The following STAR variants were observed in gnomAD, a reference collection of about 807,000 sequenced individuals.
STAR encodes steroidogenic acute regulatory protein.
Under a neutral mutation model 32.3 loss-of-function variants are expected in STAR, and 32 were observed. The observed-to-expected ratio is 0.99, with a 90% CI of 0.75 to 1.33. The LOEUF (loss-of-function observed/expected upper bound fraction) is 1.33. Among genes scored for constraint, STAR ranks in the 40% most tolerant of loss-of-function variants. The pLI is 0.00. For synonymous variants in STAR, 134 were observed against 140.5 expected (o/e 0.95, Z 0.33); for missense variants, 375 against 379.0 (o/e 0.99, Z 0.09).
chr8:38,146,255 G>C, intron 4 of STAR, 34 bp downstream of exon 4: 1 of 1,613,928 alleles, frequency 6.2e-7, no homozygotes, highest in African/African-American at 1.3e-5. Flanking sequence ...GGGCTCTCCT[G>C]GGCCCCTGCC....
intron 5 of STAR, 170 bp downstream of exon 5, chr8:38,145,793 A>T (rs925971125): frequency 1.3e-5 from 11 of 817,846 alleles, no homozygotes; most frequent in Non-Finnish European, 2.1e-5. Flanking sequence ...AGTAGGGCCT[A>T]TCTTGTCTTT....
Position 38,146,306 on chromosome 8 carries a change from TG to T in STAR, c.447del (p.Asn150MetfsTer36), listed in dbSNP as rs1802573273. On this transcript the variant is annotated frameshift_variant, in exon 4 of 7. Coordinates refer to ENST00000276449, the MANE Select transcript of STAR (RefSeq NM_000349.3). LOFTEE classifies it high-confidence loss of function. ...ERMEAMGEWNPNVKEIKVLQK... is the reference protein window; with the variant it reads ...ERMEAMGEWNXNVKEIKVLQK... ...TTGCTCACCTTGATCTCCTTGACAT[TG>T]GGGTTCCACTCCCCCATTGCTTCCA... 1 of 1,613,920 alleles carries T rather than the reference TG, an allele frequency of 6.2e-7. No homozygotes were observed. Among genetic ancestry groups the T allele is most frequent in the Admixed American group, 1.7e-5 (1 of 59,994 alleles).
Position 38,150,849 on chromosome 8 carries a change from T to A in STAR, c.-31A>T. 1 of 1,601,462 alleles carries A rather than the reference T, an allele frequency of 6.2e-7. No individual in the cohort carries two copies. Among genetic ancestry groups the A allele is most frequent in the Non-Finnish European group, 8.5e-7 (1 of 1,179,716 alleles). ...CCTGGCAAATGTGGCAGTGGTGGGG[T>A]CGCTGCCGCTGCTGCTGCCGCCGCT... On this transcript the variant is annotated 5_prime_UTR_variant, in exon 1 of 7. Coordinates refer to ENST00000276449, the MANE Select transcript of STAR (RefSeq NM_000349.3).
intron 3 of STAR, among the ~76,000 whole-genome samples, chr8:38,147,335 T>A (rs1802592108): frequency 6.6e-6 from 1 of 152,110 alleles, no homozygotes; most frequent in African/African-American, 2.4e-5. Context: ...GAAAAGACTC[T>A]TACTTGACTT....
At chr8:38,145,086 C>T (rs751393176) in intron 6 of STAR, 136 bp downstream of exon 6, 179 of 1,532,346 alleles carry the variant, frequency 1.2e-4, no homozygotes, top group Non-Finnish European at 1.5e-4. Flanking sequence ...GGCCATCACT[C>T]CAGACCCTTC....
chr8:38,144,544 G>T, intron 6 of STAR, 158 bp from the exon 7 acceptor site: 1 of 1,485,596 alleles, frequency 6.7e-7, no homozygotes. Context: ...GGACTGCATT[G>T]CTCCTCTGCT....
chr8:38,142,752 C>G lies in STAR; in HGVS notation c.*1521G>C, dbSNP rs1253216934. On this transcript the variant is annotated 3_prime_UTR_variant, in exon 7 of 7. Transcript: ENST00000276449. ...CATGTTAGTCAGGCTGGTCTCCTGC[C>G]CTCAGGTGATTGCCTGCCTTGGCCT... is the stretch of plus-strand genomic sequence containing the variant. Among the ~76,000 whole-genome samples, 1 of 151,908 alleles carries G rather than the reference C, an allele frequency of 6.6e-6. No homozygotes were observed.
chr8:38,145,586 C>A, intron 5 of STAR: 1 of 573,234 alleles, frequency 1.7e-6, no homozygotes. Context: ...AGGATTCAGG[C>A]TGGTGGCTGG....
At chr8:38,150,533 G>C (rs1802649342) in intron 1 of STAR, among the ~76,000 whole-genome samples, 1 of 152,196 alleles carries the variant, frequency 6.6e-6, no homozygotes, top group Non-Finnish European at 1.5e-5. Context: ...GAGAAAAAAA[G>C]ATTGGAGTCC....
chr8:38,149,159 G>C (rs762419769), intron 1 of STAR: 1 of 245,868 alleles, frequency 4.1e-6, no homozygotes, highest in Non-Finnish European at 8.1e-6. Context: ...CATGAGGTCT[G>C]TGTGCTTGCC....
chr8:38,148,620 C>A (rs1333731979), intron 2 of STAR, 21 bp downstream of exon 2: 1 of 1,608,850 alleles, frequency 6.2e-7, no homozygotes, highest in African/African-American at 1.3e-5. Context: ...GCACCAGGAG[C>A]CCAGAAGCCT....
intron 1 of STAR, among the ~76,000 whole-genome samples, chr8:38,149,676 A>G (rs1426491797): frequency 6.6e-6 from 1 of 152,196 alleles, no homozygotes; most frequent in Non-Finnish European, 1.5e-5. Context: ...AAAGTCAGGA[A>G]TAGTTCAAGA....
chr8:38,150,923 T>A lies in STAR; in HGVS notation c.-105A>T. 1 of 1,596,660 alleles carries A rather than the reference T, an allele frequency of 6.3e-7. No individual in the cohort carries two copies. Among genetic ancestry groups the A allele is most frequent in the Admixed American group, 1.7e-5 (1 of 59,488 alleles). The stretch of plus-strand genomic sequence containing the variant: ...TGGTTCTTCGTCCTTCCTGAGCCCC[T>A]CAAGCTTCGCCTCTGAGTCCCGCAG... On this transcript the variant is annotated 5_prime_UTR_variant, in exon 1 of 7. Coordinates refer to ENST00000276449, the MANE Select transcript of STAR (RefSeq NM_000349.3).
chr8:38,148,995 G>T (rs1435607781), intron 1 of STAR: 2 of 541,620 alleles, frequency 3.7e-6, no homozygotes, highest in Non-Finnish European at 6.7e-6. Context: ...CCTGCCTGGA[G>T]ATGGGCTATA....
chr8:38,148,039 T>A (rs1382192502), intron 3 of STAR, among the ~76,000 whole-genome samples, 161 bp downstream of exon 3: 1 of 152,228 alleles, frequency 6.6e-6, no homozygotes, highest in African/African-American at 2.4e-5. Flanking sequence ...GAGCATTATC[T>A]GAGGATATAT....
rs886062904 is a variant in STAR at position 38,143,925 on chromosome 8, G to A, written c.*348C>T. 1 of 351,728 alleles carries A rather than the reference G, an allele frequency of 2.8e-6. No individual in the cohort carries two copies. Among genetic ancestry groups the A allele is most frequent in the Non-Finnish European group, 5.6e-6 (1 of 178,960 alleles). 21.8% of individuals were successfully genotyped at this position (351,728 alleles called of 1,614,324 possible). A position where few individuals can be genotyped will look rare whatever the true frequency, so the allele number is the denominator to read the frequency against. ...AAAGCAAGACTTCTCAGGCCCTGTG[G>A]TTAGCATCCCCCACACCCATATCAG... On this transcript the variant is annotated 3_prime_UTR_variant, in exon 7 of 7. Transcript: ENST00000276449.
intron 3 of STAR, 46 bp from the exon 4 acceptor site, chr8:38,146,493 C>T (rs753791691): frequency 6.2e-7 from 1 of 1,601,700 alleles, no homozygotes; most frequent in Non-Finnish European, 8.5e-7. Flanking sequence ...CAAAAATATT[C>T]TTGGCCGGGC....
rs2130610434 is a variant in STAR at position 38,143,844 on chromosome 8, T to G, written c.*429A>C. 3.4e-6 allele frequency: 1 copy of G among 293,768 alleles called. No individual in the cohort carries two copies. Among genetic ancestry groups the G allele is most frequent in the East Asian group, 9.1e-5 (1 of 11,044 alleles). 18.2% of individuals were successfully genotyped at this position (293,768 alleles called of 1,614,324 possible). Reference sequence around the variant, plus strand: ...AGGAGCAGAGGGCTGCAGGAGACCCTCTGAGATTCTGCTTTGTGCACATGT... The same window carrying G: ...AGGAGCAGAGGGCTGCAGGAGACCCGCTGAGATTCTGCTTTGTGCACATGT... On this transcript the variant is annotated 3_prime_UTR_variant, in exon 7 of 7. Transcript: ENST00000276449.
At chr8:38,149,857 G>A (rs1802637741) in intron 1 of STAR, among the ~76,000 whole-genome samples, 1 of 152,146 alleles carries the variant, frequency 6.6e-6, no homozygotes, top group Non-Finnish European at 1.5e-5. Context: ...TAGGCTGAGC[G>A]CCATGGCTCA....
Sources: gnomAD v4.1 joint callset for allele counts (sites outside exome capture counted in the v4.1 genomes callset) on GRCh38, gnomAD v4.1.1 for gene constraint, MANE v1.5 for transcripts, NCBI Gene and HGNC (gene_info 2026-07-23, HGNC 2026-07-21) for gene names.